The following ALDH1A2 variants were observed in gnomAD, a reference collection of about 807,000 sequenced individuals.
ALDH1A2 encodes the protein aldehyde dehydrogenase 1 family member A2.
A neutral mutation model predicts 60.3 loss-of-function variants in ALDH1A2; 27 were observed. The observed-to-expected ratio is 0.45, with a 90% CI of 0.33 to 0.62. ALDH1A2 has a LOEUF of 0.62. Among genes scored for constraint, ALDH1A2 ranks in the 20% least tolerant of loss-of-function variants. The pLI, the probability that ALDH1A2 is intolerant of heterozygous loss-of-function variation, is 0.02. For missense variants in ALDH1A2, 581 were observed against 643.8 expected (o/e 0.90, Z 1.06); for synonymous variants, 289 against 232.4 (o/e 1.24, Z -2.21).
At chr15:57,972,389 C>T (rs1327096547) in intron 7 of ALDH1A2, among the ~76,000 whole-genome samples, 1 of 152,194 alleles carries the variant, frequency 6.6e-6, no homozygotes, top group Non-Finnish European at 1.5e-5. Flanking sequence ...CCTTTTGTTA[C>T]ATAAGACTCT....
chr15:57,967,340 A>G (rs1348490676), intron 7 of ALDH1A2, among the ~76,000 whole-genome samples: 1 of 152,178 alleles, frequency 6.6e-6, no homozygotes, highest in Non-Finnish European at 1.5e-5. Flanking sequence ...GACACTTAGA[A>G]CCCAGCCTGG....
At chr15:57,998,973 G>A (rs1387446285) in intron 4 of ALDH1A2, among the ~76,000 whole-genome samples, 1 of 152,068 alleles carries the variant, frequency 6.6e-6, no homozygotes, top group Non-Finnish European at 1.5e-5. Flanking sequence ...TATAATAAAT[G>A]GTGCTGGGAA....
At chr15:58,002,139 A>G (rs1172391781) in intron 4 of ALDH1A2, among the ~76,000 whole-genome samples, 1 of 151,924 alleles carries the variant, frequency 6.6e-6, no homozygotes, top group Non-Finnish European at 1.5e-5. Context: ...AGTAGTTTAC[A>G]ACTTATGGAA....
rs1410936403 is a variant in ALDH1A2, at chr15:58,016,092, C to G, written c.118-1811G>C. 2.0e-5 allele frequency among the ~76,000 whole-genome samples: 3 copies of G among 151,222 alleles called. No individual in the cohort carries two copies. The East Asian group carries it at 5.8e-4, about 29-fold the overall frequency. ...CCTTTTATTCACCATGTGACTGAATCAAACTTTTTAACCTTTGCAGTATCA... is the reference window on the plus strand; with the variant it reads ...CCTTTTATTCACCATGTGACTGAATGAAACTTTTTAACCTTTGCAGTATCA... On this transcript the variant is annotated intron_variant, in intron 1 of 12. Transcript: ENST00000249750.
intron 7 of ALDH1A2, among the ~76,000 whole-genome samples, chr15:57,973,943 T>C (rs1200178982): frequency 2.0e-5 from 3 of 152,230 alleles, no homozygotes; most frequent in African/African-American, 7.2e-5. Flanking sequence ...CCCTATTCTC[T>C]TTCCCAAATT....
chr15:57,956,549 G>A (rs1195289225), intron 12 of ALDH1A2, among the ~76,000 whole-genome samples: 1 of 152,192 alleles, frequency 6.6e-6, no homozygotes, highest in South Asian at 2.1e-4. Context: ...CGGCCAAGGA[G>A]AGACTGGGGC....
Position 58,014,250 on chromosome 15 carries a change from T to C in ALDH1A2, c.149A>G (p.Glu50Gly), listed in dbSNP as rs34266719. The change falls in exon 2 of 13, where the codon GAG (glutamate) becomes GGG (glycine). Residue 50 changes from glutamate to glycine, a missense_variant. By Grantham distance (98) the Glu-to-Gly change is moderately conservative. Transcript: ENST00000249750. ...ATAGACAGGGAACACTCTCCCACTCTCTGAGTTCTGCCACTCGTTGTTTAT... is the reference window on the plus strand; with the variant it reads ...ATAGACAGGGAACACTCTCCCACTCCCTGAGTTCTGCCACTCGTTGTTTAT... ...IFINNEWQNSESGRVFPVYNP... is the reference protein window; with the variant it reads ...IFINNEWQNSGSGRVFPVYNP... 264 of 1,614,092 alleles carry C rather than the reference T, an allele frequency of 1.6e-4. 2 individuals are homozygous for C. In the East Asian group the frequency reaches 4.3e-3, roughly 26 times the overall value.
chr15:57,993,026 C>G lies in ALDH1A2; in HGVS notation c.603G>C (p.Leu201Phe). ...TAATAACTACTGTATTGCCACAGCA[C>G]AAAGCTGGAGCTATTTTCCAGGCAA... ...LMFAWKIAPALCCGNTVVIKP... is the reference protein window; with the variant it reads ...LMFAWKIAPAFCCGNTVVIKP... Residue 201 changes from leucine (L) to phenylalanine (F), a missense_variant, in exon 6 of 13, where the codon TTG becomes TTC. Transcript: ENST00000249750. 6 of 1,613,488 alleles carry G rather than the reference C, an allele frequency of 3.7e-6. No individual in the cohort carries two copies. The highest frequency in any genetic ancestry group is 5.1e-6 in the Non-Finnish European group (6 of 1,179,960).
chr15:58,001,902 T>C (rs892578109), intron 4 of ALDH1A2, among the ~76,000 whole-genome samples: 16 of 152,042 alleles, frequency 1.1e-4, no homozygotes, highest in South Asian at 2.1e-4. Context: ...TGTAGGTCAA[T>C]AGGTGAGAAC....
intron 7 of ALDH1A2, among the ~76,000 whole-genome samples, chr15:57,972,534 C>T (rs559106575): frequency 3.3e-5 from 5 of 152,304 alleles, no homozygotes; most frequent in South Asian, 2.1e-4. Context: ...CACCTTAGGA[C>T]CTGCTCAAAC....
chr15:57,967,457 C>A (rs1893935038), intron 7 of ALDH1A2, among the ~76,000 whole-genome samples: 1 of 152,098 alleles, frequency 6.6e-6, no homozygotes, highest in South Asian at 2.1e-4. Flanking sequence ...GTAAAGGAGA[C>A]AGCTGGACCT....
At chr15:58,041,884 A>G (rs1896526138) in intron 1 of ALDH1A2, among the ~76,000 whole-genome samples, 1 of 151,942 alleles carries the variant, frequency 6.6e-6, no homozygotes, top group East Asian at 1.9e-4. Flanking sequence ...TAGGAACAGT[A>G]AGAGATTAAC....
At chr15:58,016,638 C>T (rs1161728532) in intron 1 of ALDH1A2, among the ~76,000 whole-genome samples, 1 of 152,080 alleles carries the variant, frequency 6.6e-6, no homozygotes, top group East Asian at 1.9e-4. Flanking sequence ...ATCTAAGATA[C>T]ATTATGATAT....
chr15:58,054,804 G>T (rs1192759580), intron 1 of ALDH1A2, among the ~76,000 whole-genome samples: 1 of 152,162 alleles, frequency 6.6e-6, no homozygotes, highest in East Asian at 1.9e-4. Context: ...GGCAGTGTGT[G>T]ACTACACAAC....
At chr15:58,045,838 G>T (rs1009185137) in intron 1 of ALDH1A2, among the ~76,000 whole-genome samples, 1 of 151,820 alleles carries the variant, frequency 6.6e-6, no homozygotes, top group African/African-American at 2.4e-5. Context: ...AATTAAAAAA[G>T]AATATGGTCA....
At chr15:57,993,541 C>T (rs1029937720) in intron 5 of ALDH1A2, among the ~76,000 whole-genome samples, 2 of 152,070 alleles carry the variant, frequency 1.3e-5, no homozygotes, top group Non-Finnish European at 2.9e-5. Flanking sequence ...CAAGGTAGTA[C>T]TTTTTCTTTA....
Position 57,955,378 on chromosome 15 carries a change from C to T in ALDH1A2, c.1485-109G>A, listed in dbSNP as rs1893485505. The stretch of plus-strand genomic sequence containing the variant: ...GTTTATCACCTGCGAACAGCAAGTC[C>T]TGGGATGTTCATGTAAAAATTCCTC... On this transcript the variant is annotated intron_variant, in intron 12 of 12. Coordinates refer to ENST00000249750, the MANE Select transcript of ALDH1A2 (RefSeq NM_003888.4). 11 of 1,113,426 alleles carry T rather than the reference C, an allele frequency of 9.9e-6. No individual in the cohort carries two copies. In the South Asian group the frequency reaches 9.9e-5, roughly 10 times the overall value. The allele number at this position is 1,113,426 out of a possible 1,614,324, so 69.0% of individuals were successfully genotyped here.
intron 4 of ALDH1A2, among the ~76,000 whole-genome samples, chr15:57,998,164 C>T (rs750370266): frequency 1.3e-5 from 2 of 152,064 alleles, no homozygotes; most frequent in South Asian, 4.1e-4. Context: ...TCTTTCACCA[C>T]TCCTATTCAA....
intron 1 of ALDH1A2, among the ~76,000 whole-genome samples, chr15:58,044,045 C>A (rs539142405): frequency 3.3e-5 from 5 of 152,122 alleles, no homozygotes; most frequent in African/African-American, 1.2e-4. Context: ...CTGATTCCCA[C>A]CTCAGTGCTT....
Sources: gnomAD v4.1 joint callset for allele counts (sites outside exome capture counted in the v4.1 genomes callset) on GRCh38, gnomAD v4.1.1 for gene constraint, MANE v1.5 for transcripts, NCBI Gene and HGNC (gene_info 2026-07-23, HGNC 2026-07-21) for gene names.